C19orf38: variants seen among roughly 807,000 people sequenced by gnomAD.
C19orf38 encodes chromosome 19 open reading frame 38.
In C19orf38, 14 loss-of-function variants were observed where a neutral mutation model predicts 26.6. The observed-to-expected ratio is 0.53, with a 90% CI of 0.35 to 0.82. The LOEUF is 0.82. C19orf38 is among the 40% of genes least tolerant of loss of function. The pLI, the probability that C19orf38 is intolerant of heterozygous loss-of-function variation, is 0.01. For synonymous variants in C19orf38, 132 were observed against 128.5 expected (o/e 1.03, Z -0.18); for missense variants, 261 against 299.5 (o/e 0.87, Z 0.95).
intron 1 of C19orf38, among the ~76,000 whole-genome samples, chr19:10,848,957 A>G (rs1447843070): frequency 1.3e-5 from 2 of 152,094 alleles, no homozygotes; most frequent in African/African-American, 4.8e-5. Flanking sequence ...CACTCTGCTC[A>G]GAAGCCTGTG....
At position 10,842,271 on chromosome 19, in the gene C19orf38, T is replaced by G. The variant is rs2073483628; in HGVS notation, c.-69+5501T>G. 5.4e-6 allele frequency: 6 copies of G among 1,109,678 alleles called. No individual in the cohort carries two copies. The Admixed American group carries it at 1.1e-4, about 21-fold the overall frequency. The allele number at this position is 1,109,678 out of a possible 1,614,324, so 68.7% of individuals were successfully genotyped here. On this transcript the variant is annotated intron_variant, in intron 1 of 7. Coordinates refer to the C19orf38 transcript ENST00000592854. The stretch of plus-strand genomic sequence containing the variant: ...CATAATTTGAATAAAATACTTTTTT[T>G]TTTTTTTGAGACGGAGTCTCACTCT...
chr19:10,842,651 C>T (rs1599654538), intron 1 of C19orf38, among the ~76,000 whole-genome samples: 1 of 152,094 alleles, frequency 6.6e-6, no homozygotes, highest in East Asian at 1.9e-4. Context: ...TCAGGAGGAT[C>T]GCTTGAGCCC....
At chr19:10,865,086 T>C (rs2073738869) in intron 6 of C19orf38, among the ~76,000 whole-genome samples, 1 of 152,132 alleles carries the variant, frequency 6.6e-6, no homozygotes, top group African/African-American at 2.4e-5. Context: ...TCCATGAGAA[T>C]CCACACCGCA....
intron 1 of C19orf38, among the ~76,000 whole-genome samples, chr19:10,849,034 T>G (rs939347129): frequency 7.9e-5 from 12 of 151,986 alleles, no homozygotes; most frequent in Non-Finnish European, 8.8e-5. Context: ...AAAATCCGTA[T>G]TCTTCACCCA....
At position 10,856,418 on chromosome 19, in the gene C19orf38, T is replaced by C. The variant is rs994523873; in HGVS notation, c.433+61T>C. 4.4e-6 allele frequency: 6 copies of C among 1,374,650 alleles called. No homozygotes were observed. In the African/African-American group the frequency reaches 8.6e-5, roughly 20 times the overall value. The allele number at this position is 1,374,650 out of a possible 1,614,324, so 85.2% of individuals were successfully genotyped here. A position where few individuals can be genotyped will look rare whatever the true frequency, so the allele number is the denominator to read the frequency against. On this transcript the variant is annotated intron_variant, in intron 3 of 6. Transcript: ENST00000397820. ...GTTGACAACTTCTGGAACGTGAAGA[T>C]GTGCTTACACTCACAACTCACACCA...
At chr19:10,848,602 C>T (rs2146249179) in intron 1 of C19orf38, 63 bp downstream of exon 1, 6 of 1,371,302 alleles carry the variant, frequency 4.4e-6, no homozygotes, top group Non-Finnish European at 5.9e-6. Context: ...GTCCACCTTG[C>T]CGCTCCAGGG....
intron 3 of C19orf38, among the ~76,000 whole-genome samples, 175 bp downstream of exon 3, chr19:10,856,532 C>T (rs1274024682): frequency 1.3e-5 from 2 of 152,178 alleles, no homozygotes; most frequent in African/African-American, 2.4e-5. Flanking sequence ...CAGACAGAGG[C>T]TCGCTCTGTC....
chr19:10,852,995 G>T (rs1050658756), intron 2 of C19orf38, among the ~76,000 whole-genome samples: 3 of 150,464 alleles, frequency 2.0e-5, no homozygotes, highest in Non-Finnish European at 1.5e-5. Context: ...ACGATTCCTT[G>T]AGCCAAGGAG....
intron 1 of C19orf38, among the ~76,000 whole-genome samples, chr19:10,837,823 A>C (rs563490512): frequency 6.6e-6 from 1 of 151,786 alleles, no homozygotes; most frequent in East Asian, 1.9e-4. Context: ...TTTTTAGGAC[A>C]GGGTCTTGCT....
At chr19:10,865,903 C>G (rs2073746616) in intron 6 of C19orf38, among the ~76,000 whole-genome samples, 1 of 152,054 alleles carries the variant, frequency 6.6e-6, no homozygotes, top group African/African-American at 2.4e-5. Flanking sequence ...GCCTTGATCA[C>G]CTGGGCTCAA....
intron 1 of C19orf38, among the ~76,000 whole-genome samples, chr19:10,837,981 G>A (rs2073449465): frequency 1.3e-5 from 2 of 151,932 alleles, no homozygotes; most frequent in South Asian, 4.1e-4. Context: ...TTGTAGACAT[G>A]AGGTTTCCCT....
intron 3 of C19orf38, among the ~76,000 whole-genome samples, chr19:10,857,152 G>A (rs141098470): frequency 0.017 from 2,527 of 149,778 alleles, 75 homozygotes; most frequent in African/African-American, 0.06. Flanking sequence ...GCCCAGGCTG[G>A]TCTTGAACTC....
intron 5 of C19orf38, among the ~76,000 whole-genome samples, chr19:10,861,353 T>G (rs2073696687): frequency 6.6e-6 from 1 of 152,196 alleles, no homozygotes; most frequent in African/African-American, 2.4e-5. Flanking sequence ...ATGCAGGATA[T>G]TCTCTTGAAG....
upstream of C19orf38, among the ~76,000 whole-genome samples, chr19:10,847,369 CTTTTTTT>C (rs918277367): frequency 1.6e-5 from 2 of 125,938 alleles, no homozygotes; most frequent in Admixed American, 8.1e-5. Flanking sequence ...GTCCACTGCT[CTTTTTTT>C]TTTTTTTTTT....
chr19:10,836,906 G>A (rs1439671474), intron 1 of C19orf38: 1 of 152,304 alleles, frequency 6.6e-6, no homozygotes, highest in Non-Finnish European at 1.5e-5. Context: ...CACCCCAAGG[G>A]TCTCAGACTC....
chr19:10,853,581 C>A (rs2073594525), intron 2 of C19orf38, among the ~76,000 whole-genome samples: 1 of 150,972 alleles, frequency 6.6e-6, no homozygotes, highest in African/African-American at 2.4e-5. Context: ...CCACCATGCC[C>A]AGCTCCCCCC....
intron 1 of C19orf38, among the ~76,000 whole-genome samples, chr19:10,841,559 G>A (rs2146238461): frequency 6.6e-6 from 1 of 151,916 alleles, no homozygotes; most frequent in South Asian, 2.1e-4. Context: ...TTGGGAGGCC[G>A]AGGTGGGTAG....
intron 2 of C19orf38, 61 bp downstream of exon 2, chr19:10,850,628 T>G: frequency 6.6e-7 from 1 of 1,507,502 alleles, no homozygotes; most frequent in Admixed American, 2.0e-5. Context: ...GGACCTCTTG[T>G]GTGTACTGTT....
intron 6 of C19orf38, 39 bp from the exon 7 acceptor site, chr19:10,869,178 CA>C (rs1233231125): frequency 6.4e-7 from 1 of 1,550,896 alleles, no homozygotes; most frequent in Non-Finnish European, 8.7e-7. Flanking sequence ...CCTGAAACCC[CA>C]AATCACCCAC....
Sources: allele counts gnomAD v4.1 joint callset (sites outside exome capture counted in the v4.1 genomes callset), GRCh38; gene constraint gnomAD v4.1.1; transcripts MANE v1.5; gene names NCBI Gene and HGNC (gene_info 2026-07-23, HGNC 2026-07-21).